Variants in RPS7 observed in about 807,000 individuals in gnomAD.
RPS7 encodes the protein ribosomal protein S7.
Under a neutral mutation model 22.1 loss-of-function variants are expected in RPS7, and 1 was observed. That is an observed-to-expected ratio of 0.05 (90% confidence interval 0.02 to 0.21). The LOEUF (loss-of-function observed/expected upper bound fraction) is 0.21. Among genes scored for constraint, RPS7 ranks in the 10% least tolerant of loss-of-function variants. The pLI is 1.00. For missense variants in RPS7, 137 were observed against 246.4 expected, an observed-to-expected ratio of 0.56 and a Z score of 2.97; for synonymous variants, 80 against 92.0, an observed-to-expected ratio of 0.87 and a Z score of 0.74.
At chr2:3,575,754 G>A (rs956621298) in intron 2 of RPS7, 63 bp from the exon 3 acceptor site, 14 of 1,594,744 alleles carry the variant, frequency 8.8e-6, no homozygotes, top group Admixed American at 1.7e-5. Flanking sequence ...GGCCGCGCGT[G>A]TGTTGGGCCC....
At chr2:3,576,281 C>T (rs1661278177) in intron 3 of RPS7, 1 of 646,092 alleles carries the variant, frequency 1.5e-6, no homozygotes, top group South Asian at 1.8e-5. Flanking sequence ...CTGGCCTGAA[C>T]AGTCTCCCTT....
At chr2:3,575,937 C>A (rs1472908529) in intron 3 of RPS7, 49 bp downstream of exon 3, 1 of 1,355,302 alleles carries the variant, frequency 7.4e-7, no homozygotes. Flanking sequence ...CGCGTCTCCC[C>A]GCGCAGTGCC....
intron 2 of RPS7, 53 bp downstream of exon 2, chr2:3,575,737 G>A: frequency 6.3e-7 from 1 of 1,596,756 alleles, no homozygotes; most frequent in Non-Finnish European, 8.6e-7. Flanking sequence ...CGCCCGGGAG[G>A]GGAGGCGGCC....
chr2:3,577,278 G>A (rs192274177), intron 4 of RPS7: 88 of 185,868 alleles, frequency 4.7e-4, no homozygotes, highest in Admixed American at 4.6e-3. Flanking sequence ...GGAGCTTGCA[G>A]TGAGCCGAGA....
chr2:3,577,037 C>A (rs1661295079), intron 4 of RPS7: 2 of 280,732 alleles, frequency 7.1e-6, no homozygotes, highest in South Asian at 6.8e-5. Context: ...GATGATCAAA[C>A]TAAGAAACCT....
chr2:3,576,894 A>G, intron 4 of RPS7: 4 of 491,408 alleles, frequency 8.1e-6, no homozygotes, highest in Non-Finnish European at 1.5e-5. Context: ...AAGTTTTAAA[A>G]AGAAAGATAA....
At chr2:3,579,868 C>T (rs1344492783) in intron 5 of RPS7, 13 of 578,800 alleles carry the variant, frequency 2.2e-5, no homozygotes, top group Non-Finnish European at 4.0e-5. Flanking sequence ...GTAGTTTATC[C>T]CAGAGTAACA....
In RPS7 at chr2:3,575,973, T is replaced by C. The variant is rs1048578066; in HGVS notation, c.147+85T>C. On this transcript the variant is annotated intron_variant, in intron 3 of 6. Transcript: ENST00000645674. Reference sequence around the variant, plus strand: ...TGAGAGGGTTGGACCTGGGTTACGGTTGATGATGACTTGCCGCCTGGCCGC... The same window carrying C: ...TGAGAGGGTTGGACCTGGGTTACGGCTGATGATGACTTGCCGCCTGGCCGC... 7 of 1,006,912 alleles carry C rather than the reference T, an allele frequency of 7.0e-6. No homozygotes were observed. The African/African-American group carries it at 8.0e-5, about 12-fold the overall frequency. 62.4% of individuals were successfully genotyped at this position (1,006,912 alleles called of 1,614,324 possible). A position where few individuals can be genotyped will look rare whatever the true frequency, so the allele number is the denominator to read the frequency against.
intron 4 of RPS7, chr2:3,577,131 C>T (rs959409381): frequency 1.5e-5 from 3 of 201,928 alleles, no homozygotes; most frequent in Non-Finnish European, 3.1e-5. Flanking sequence ...GTCAGGAGAT[C>T]GAGACCATCC....
At chr2:3,580,451 A>C in intron 6 of RPS7, 191 bp downstream of exon 6, 1 of 694,802 alleles carries the variant, frequency 1.4e-6, no homozygotes, top group Non-Finnish European at 2.6e-6. Context: ...AGAATTGAAC[A>C]CTTGAAATTC....
chr2:3,575,987 C>T (rs1661268610), intron 3 of RPS7, 99 bp downstream of exon 3: 3 of 847,784 alleles, frequency 3.5e-6, no homozygotes, highest in Non-Finnish European at 5.9e-6. Context: ...TGATGACTTG[C>T]CGCCTGGCCG....
rs989822280 is a variant in RPS7 at position 3,575,763 on chromosome 2, C to T, written c.76-54C>T. On this transcript the variant is annotated intron_variant, in intron 2 of 6. Transcript: ENST00000645674. Reference sequence around the variant, plus strand: ...GGAGGCGGCCGCGCGTGTGTTGGGCCCGGGGTGCTCGGACGCGCGCTCAGG... The same window carrying T: ...GGAGGCGGCCGCGCGTGTGTTGGGCTCGGGGTGCTCGGACGCGCGCTCAGG... 5 of 1,597,194 alleles carry T rather than the reference C, an allele frequency of 3.1e-6. No homozygotes were observed. The South Asian group carries it at 3.3e-5, about 11-fold the overall frequency.
chr2:3,578,038 A>ACTG, intron 5 of RPS7: 1 of 481,042 alleles, frequency 2.1e-6, no homozygotes, highest in South Asian at 2.6e-5. Context: ...CAGGATAGGA[A>ACTG]TGATGAGAAG....
At chr2:3,575,473 C>T in intron 1 of RPS7, 119 bp from the exon 2 acceptor site, 2 of 703,060 alleles carry the variant, frequency 2.8e-6, no homozygotes, top group Admixed American at 2.3e-5. Flanking sequence ...GATTACCCGC[C>T]CTGTGCTTTC....
At chr2:3,575,470 C>T in intron 1 of RPS7, 120 bp downstream of exon 1, 4 of 693,356 alleles carry the variant, frequency 5.8e-6, no homozygotes, top group East Asian at 2.7e-5. Context: ...GCCGATTACC[C>T]GCCCTGTGCT....
chr2:3,575,985 TGCCGCCTG>T (rs963584025), intron 3 of RPS7, 97 bp downstream of exon 3: 8 of 896,676 alleles, frequency 8.9e-6, no homozygotes, highest in Non-Finnish European at 1.5e-5. Context: ...GATGATGACT[TGCCGCCTG>T]GCCGCCTAAC....
At chr2:3,576,162 T>C in intron 3 of RPS7, 1 of 594,746 alleles carries the variant, frequency 1.7e-6, no homozygotes, top group Non-Finnish European at 3.0e-6. Flanking sequence ...TTGCCCTTAC[T>C]TAGTTATAGA....
At chr2:3,575,429 G>A in intron 1 of RPS7, 79 bp downstream of exon 1, 1 of 616,030 alleles carries the variant, frequency 1.6e-6, no homozygotes, top group East Asian at 2.8e-5. Flanking sequence ...GGCCCTGGAG[G>A]GGCGAGCCTT....
intron 1 of RPS7, 52 bp from the exon 2 acceptor site, chr2:3,575,539 AG>A: frequency 7.4e-7 from 1 of 1,344,506 alleles, no homozygotes; most frequent in South Asian, 1.2e-5. Context: ...CGGGAGGGCG[AG>A]CCAGCGGCGC....
Sources: allele counts gnomAD v4.1 joint callset, GRCh38; gene constraint gnomAD v4.1.1; transcripts MANE v1.5; gene names NCBI Gene and HGNC (gene_info 2026-07-23, HGNC 2026-07-21).